VPS13A: variants seen among roughly 807,000 people sequenced by gnomAD.
VPS13A encodes the protein vacuolar protein sorting 13 homolog A.
VPS13A carries 264 observed loss-of-function variants against 390.9 expected under a neutral mutation model. The ratio of observed to expected loss-of-function variants is 0.68; its 90% CI spans 0.61 to 0.75. The LOEUF (loss-of-function observed/expected upper bound fraction) is 0.75. VPS13A is among the 30% of genes least tolerant of loss of function. The probability of loss-of-function intolerance (pLI) is 0.00; values close to 1 mark genes in which losing one functional copy is unlikely to be tolerated. For synonymous variants in VPS13A, 1,231 were observed against 1,227.1 expected (o/e 1.00, Z -0.07); for missense variants, 3,409 against 3,733.9 (o/e 0.91, Z 2.27).
At position 77,282,302 on chromosome 9, in the gene VPS13A, C is replaced by CT. The variant is rs11316008; in HGVS notation, c.3118+41dup. ...ATGTTTTTTAAAAATTTAGCATCAA[C>CT]TTTTTTTTTTTTTAACCATGTAGGT... On this transcript the variant is annotated intron_variant, in intron 29 of 71. Transcript: ENST00000360280. 107,387 of 1,246,276 alleles carry CT rather than the reference C, an allele frequency of 0.086. 19 individuals are homozygous for CT. The highest frequency in any genetic ancestry group is 0.1 in the East Asian group (3,494 of 34,254). 77.2% of individuals were successfully genotyped at this position (1,246,276 alleles called of 1,614,324 possible).
At chr9:77,230,800 A>G (rs1564648755) in intron 17 of VPS13A, among the ~76,000 whole-genome samples, 2 of 152,152 alleles carry the variant, frequency 1.3e-5, no homozygotes, top group Non-Finnish European at 2.9e-5. Flanking sequence ...TTGTGGATCA[A>G]TTTTGGGTGT....
chr9:77,257,800 A>G (rs905693726), intron 22 of VPS13A, among the ~76,000 whole-genome samples: 1 of 152,172 alleles, frequency 6.6e-6, no homozygotes, highest in Non-Finnish European at 1.5e-5. Flanking sequence ...CTTCAATTGC[A>G]TGCAAAAACT....
chr9:77,397,982 A>T (rs1834188449), intron 68 of VPS13A, among the ~76,000 whole-genome samples: 1 of 152,234 alleles, frequency 6.6e-6, no homozygotes, highest in Non-Finnish European at 1.5e-5. Context: ...TAATTCCTTC[A>T]TAGTTCAGCC....
chr9:77,226,048 T>A, intron 14 of VPS13A, 60 bp downstream of exon 14: 1 of 1,451,938 alleles, frequency 6.9e-7, no homozygotes, highest in Non-Finnish European at 9.6e-7. Context: ...ATATGACAGA[T>A]GTGATATTAT....
intron 68 of VPS13A, among the ~76,000 whole-genome samples, chr9:77,388,157 G>A (rs968520037): frequency 4.6e-5 from 7 of 152,140 alleles, no homozygotes; most frequent in Admixed American, 1.3e-4. Context: ...AAATAATAAT[G>A]ATGATGGATA....
intron 40 of VPS13A, among the ~76,000 whole-genome samples, chr9:77,317,904 G>A (rs1402334717): frequency 1.3e-5 from 2 of 151,774 alleles, no homozygotes; most frequent in African/African-American, 4.8e-5. Flanking sequence ...TTACATTTGT[G>A]TGGTTAACAT....
intron 67 of VPS13A, among the ~76,000 whole-genome samples, chr9:77,377,601 C>T (rs556376522): frequency 6.0e-4 from 92 of 152,232 alleles, no homozygotes; most frequent in African/African-American, 2.1e-3. Flanking sequence ...TCTTACTGAA[C>T]TTGTTTATTA....
intron 70 of VPS13A, among the ~76,000 whole-genome samples, chr9:77,407,218 G>T (rs910343814): frequency 6.6e-6 from 1 of 152,106 alleles, no homozygotes; most frequent in African/African-American, 2.4e-5. Flanking sequence ...ATTTGGAGAC[G>T]AAAAACAGTG....
intron 31 of VPS13A, among the ~76,000 whole-genome samples, chr9:77,289,793 T>G (rs1827544397): frequency 6.6e-6 from 1 of 151,722 alleles, no homozygotes; most frequent in South Asian, 2.1e-4. Context: ...TCTTTTTTTT[T>G]TTTTTGAGAC....
At chr9:77,370,390 T>A in intron 64 of VPS13A, 25 bp from the exon 65 acceptor site, 1 of 1,614,162 alleles carries the variant, frequency 6.2e-7, no homozygotes, top group East Asian at 2.2e-5. Flanking sequence ...GCATCATTAC[T>A]TTTACTAAAG....
intron 25 of VPS13A, 135 bp downstream of exon 25, chr9:77,275,787 T>C: frequency 9.0e-7 from 1 of 1,114,828 alleles, no homozygotes; most frequent in Non-Finnish European, 1.3e-6. Context: ...TGCTGTGTGA[T>C]TCTTGGTCAC....
chr9:77,331,960 T>A, intron 45 of VPS13A, 50 bp from the exon 46 acceptor site: 1 of 1,313,516 alleles, frequency 7.6e-7, no homozygotes, highest in Non-Finnish European at 1.1e-6. Flanking sequence ...TTACACATCT[T>A]TAGATTCTTA....
chr9:77,213,970 A>T (rs1826113757), intron 9 of VPS13A, among the ~76,000 whole-genome samples: 2 of 152,136 alleles, frequency 1.3e-5, no homozygotes, highest in Admixed American at 6.6e-5. Flanking sequence ...ATTTTTTAGG[A>T]TAAAGACATA....
At chr9:77,344,374 C>T in intron 51 of VPS13A, 93 bp downstream of exon 51, 3 of 1,381,132 alleles carry the variant, frequency 2.2e-6, no homozygotes, top group South Asian at 1.3e-5. Flanking sequence ...ATAATTACTT[C>T]TGTTGATTTT....
chr9:77,399,762 G>T (rs1587720528), intron 68 of VPS13A, among the ~76,000 whole-genome samples: 1 of 152,154 alleles, frequency 6.6e-6, no homozygotes, highest in African/African-American at 2.4e-5. Context: ...TGCTTCAGAA[G>T]CCCAGTGATC....
Position 77,421,453 on chromosome 9 carries a change from G to A in VPS13A, c.*5447G>A, listed in dbSNP as rs1457191278. 2 of 152,008 alleles carry A rather than the reference G, an allele frequency of 1.3e-5. No homozygotes were observed. The highest frequency in any genetic ancestry group is 4.8e-5 in the African/African-American group (2 of 41,378). 9.4% of individuals were successfully genotyped at this position (152,008 alleles called of 1,614,324 possible). On this transcript the variant is annotated 3_prime_UTR_variant, in exon 72 of 72. Coordinates refer to ENST00000360280, the MANE Select transcript of VPS13A (RefSeq NM_033305.3). ...TTTTTCTTAACAATAAGCATTTCTT[G>A]GTATTGGTAGATTTGGATTGCATGG...
chr9:77,382,922 A>T, intron 68 of VPS13A: 3 of 985,326 alleles, frequency 3.0e-6, no homozygotes, highest in Non-Finnish European at 3.6e-6. Flanking sequence ...GGTAACTAGT[A>T]ATCATATATA....
At chr9:77,403,668 G>T (rs564779656) in intron 69 of VPS13A, among the ~76,000 whole-genome samples, 1 of 152,294 alleles carries the variant, frequency 6.6e-6, no homozygotes, top group African/African-American at 2.4e-5. Flanking sequence ...TCCTCTGGTA[G>T]TATCTGTTTG....
Position 77,207,252 on chromosome 9 carries a change from T to TATATATATATATAA in VPS13A, c.385+1174_385+1175insTATATATATATAAA. ...ATATATATATATATATATATATATATAAAACGTGTTATATGTAACATAACA... is the reference window on the plus strand; with the variant it reads ...ATATATATATATATATATATATATATATATATATATATAAAAAACGTGTTATATGTAACATAACA... On this transcript the variant is annotated intron_variant, in intron 5 of 71. Coordinates refer to ENST00000360280, the MANE Select transcript of VPS13A (RefSeq NM_033305.3). Among the ~76,000 whole-genome samples the TATATATATATATAA allele has an allele frequency of 4.3e-3, 373 of 87,178 alleles. 27 individuals carry two copies. The highest frequency in any genetic ancestry group is 6.8e-3 in the Non-Finnish European group (294 of 43,116). 57.2% of individuals were successfully genotyped at this position (87,178 alleles called of 152,430 possible).
Sources: gnomAD v4.1 joint callset for allele counts (sites outside exome capture counted in the v4.1 genomes callset) on GRCh38, gnomAD v4.1.1 for gene constraint, MANE v1.5 for transcripts, NCBI Gene and HGNC (gene_info 2026-07-23, HGNC 2026-07-21) for gene names.